NCKAP5: variants seen among roughly 807,000 people sequenced by gnomAD.
The protein encoded by NCKAP5 is NCK associated protein 5.
A neutral mutation model predicts 167.0 loss-of-function variants in NCKAP5; 92 were observed. That is an observed-to-expected ratio of 0.55 (90% CI 0.47 to 0.66). The LOEUF is 0.66. Ranked by LOEUF, NCKAP5 falls within the 30% of genes least tolerant of loss-of-function variation. NCKAP5 has a pLI of 0.00. For missense variants in NCKAP5, 2,378 were observed against 2,315.0 expected (o/e 1.03, Z -0.56); for synonymous variants, 891 against 877.4 (o/e 1.02, Z -0.27).
At position 132,727,996 on chromosome 2, in the gene NCKAP5, T is replaced by C. The variant is rs887097048; in HGVS notation, c.5580+820A>G. ...TAAAAATAGCAACCAAGGCTCTTGA[T>C]ACCAGACCTGGGAAAGCCAAGGGCA... On this transcript the variant is annotated intron_variant, in intron 18 of 19. Coordinates refer to ENST00000409261, the MANE Select transcript of NCKAP5 (RefSeq NM_207363.3). Among the ~76,000 whole-genome samples, 22 of 152,322 alleles carry C rather than the reference T, an allele frequency of 1.4e-4. 1 individual carries two copies. The highest frequency in any genetic ancestry group is 5.1e-4 in the African/African-American group (21 of 41,584).
At chr2:132,937,967 A>G (rs924287555) in intron 8 of NCKAP5, among the ~76,000 whole-genome samples, 1 of 152,246 alleles carries the variant, frequency 6.6e-6, no homozygotes, top group Admixed American at 6.5e-5. Flanking sequence ...CCTCTGATAC[A>G]TTACATGTTG....
chr2:133,594,938 G>GA, the NCKAP5 span, among the ~76,000 whole-genome samples: 1 of 152,120 alleles, frequency 6.6e-6, no homozygotes, highest in Non-Finnish European at 1.5e-5. Context: ...TAAGTTAAAT[G>GA]AGACAACATC....
chr2:132,959,167 G>T (rs953379711), intron 8 of NCKAP5, among the ~76,000 whole-genome samples: 1 of 150,726 alleles, frequency 6.6e-6, no homozygotes, highest in East Asian at 1.9e-4. Context: ...AGCCAGGTTT[G>T]TCTATTTTGA....
At chr2:133,266,379 G>C (rs1422321810) in intron 4 of NCKAP5, 1 of 153,360 alleles carries the variant, frequency 6.5e-6, no homozygotes, top group African/African-American at 2.4e-5. Flanking sequence ...ACCCAGGCGG[G>C]AGGCGCGGAA....
chr2:132,834,429 CCG>C (rs1168493548), intron 11 of NCKAP5, among the ~76,000 whole-genome samples: 1 of 152,124 alleles, frequency 6.6e-6, no homozygotes, highest in African/African-American at 2.4e-5. Flanking sequence ...ACTGCAAGCT[CCG>C]CCTCCCGGGT....
At chr2:133,251,625 G>A (rs1047990184) in intron 4 of NCKAP5, among the ~76,000 whole-genome samples, 3 of 152,150 alleles carry the variant, frequency 2.0e-5, no homozygotes, top group Non-Finnish European at 4.4e-5. Context: ...CTAAAGCAGA[G>A]ATTTGCTATG....
chr2:133,329,339 G>C (rs866295502), intron 3 of NCKAP5, among the ~76,000 whole-genome samples: 2 of 152,172 alleles, frequency 1.3e-5, no homozygotes, highest in African/African-American at 4.8e-5. Flanking sequence ...GCACCTAAAA[G>C]AAGAGGGAGT....
intron 3 of NCKAP5, among the ~76,000 whole-genome samples, chr2:133,483,013 C>A (rs1481331962): frequency 6.6e-6 from 1 of 152,140 alleles, no homozygotes; most frequent in African/African-American, 2.4e-5. Context: ...TACAGCTTTC[C>A]ATTGCCACTT....
intron 3 of NCKAP5, among the ~76,000 whole-genome samples, chr2:133,472,841 T>C (rs16825423): frequency 0.058 from 8,790 of 152,148 alleles, 852 homozygotes; most frequent in African/African-American, 0.2. Context: ...CCGTATCCAA[T>C]AGGCATCAAG....
chr2:133,555,574 C>T (rs1440466902), intron 2 of NCKAP5, among the ~76,000 whole-genome samples: 1 of 152,196 alleles, frequency 6.6e-6, no homozygotes, highest in Non-Finnish European at 1.5e-5. Context: ...AAAGTTCTTC[C>T]TAATATTAGA....
the NCKAP5 span, among the ~76,000 whole-genome samples, chr2:133,629,374 A>C: frequency 5.3e-5 from 8 of 152,200 alleles, no homozygotes; most frequent in African/African-American, 1.9e-4. Flanking sequence ...AAAAAACATG[A>C]AAAAAAGCTC....
the NCKAP5 span, among the ~76,000 whole-genome samples, chr2:133,615,657 C>T: frequency 2.6e-5 from 4 of 152,134 alleles, no homozygotes; most frequent in South Asian, 8.3e-4. Flanking sequence ...AAAGCAATTC[C>T]TGAGTGACCT....
intron 3 of NCKAP5, among the ~76,000 whole-genome samples, chr2:133,489,307 G>C (rs931002681): frequency 9.9e-5 from 15 of 152,210 alleles, no homozygotes; most frequent in Non-Finnish European, 1.8e-4. Flanking sequence ...AATCTGAAAG[G>C]GCCCCATGGG....
chr2:133,110,700 A>C (rs1236413167), intron 6 of NCKAP5, among the ~76,000 whole-genome samples: 1 of 152,220 alleles, frequency 6.6e-6, no homozygotes, highest in Non-Finnish European at 1.5e-5. Flanking sequence ...TGTGAACCCA[A>C]GGAAGCGTGC....
chr2:132,932,881 A>G (rs1176706517), intron 8 of NCKAP5, among the ~76,000 whole-genome samples: 1 of 151,816 alleles, frequency 6.6e-6, no homozygotes, highest in South Asian at 2.1e-4. Flanking sequence ...GCGTAGTTCA[A>G]TATCAACACT....
At chr2:133,138,245 C>T (rs946246242) in intron 5 of NCKAP5, among the ~76,000 whole-genome samples, 3 of 152,066 alleles carry the variant, frequency 2.0e-5, no homozygotes, top group African/African-American at 7.2e-5. Context: ...CATCATATCC[C>T]ACAAAGGTCT....
chr2:132,676,994 C>T (rs1459564839), intron 19 of NCKAP5, among the ~76,000 whole-genome samples: 1 of 152,082 alleles, frequency 6.6e-6, no homozygotes, highest in East Asian at 1.9e-4. Context: ...TGAATATTAG[C>T]CAATATTATC....
intron 6 of NCKAP5, among the ~76,000 whole-genome samples, chr2:133,002,448 A>T (rs150714723): frequency 1.4e-4 from 22 of 152,342 alleles, no homozygotes; most frequent in African/African-American, 5.0e-4. Flanking sequence ...AAAATATCTT[A>T]TTGTACGGTC....
intron 3 of NCKAP5, among the ~76,000 whole-genome samples, chr2:133,425,507 C>T (rs1444760385): frequency 6.6e-6 from 1 of 152,026 alleles, no homozygotes; most frequent in Non-Finnish European, 1.5e-5. Flanking sequence ...ACACTGGAAA[C>T]AGATGCCCTG....
Sources: gnomAD v4.1 joint callset for allele counts (sites outside exome capture counted in the v4.1 genomes callset) on GRCh38, gnomAD v4.1.1 for gene constraint, MANE v1.5 for transcripts, NCBI Gene and HGNC (gene_info 2026-07-23, HGNC 2026-07-21) for gene names.